Variants in FSIP1 observed in about 807,000 individuals in gnomAD.
FSIP1 encodes fibrous sheath interacting protein 1, also known as fibrous sheath-interacting protein 1.
In FSIP1, 65 loss-of-function variants were observed where a neutral mutation model predicts 60.9. That is an observed-to-expected ratio of 1.07 (90% CI 0.87 to 1.31). The LOEUF is 1.31. Ranked by LOEUF, FSIP1 falls within the 40% of genes most tolerant of loss-of-function variation. The pLI is 0.00. For synonymous variants in FSIP1, 209 were observed against 221.2 expected (o/e 0.94, Z 0.49); for missense variants, 675 against 665.5 (o/e 1.01, Z -0.16).
At chr15:39,692,539 C>CCATCA (rs1241359578) in intron 10 of FSIP1, among the ~76,000 whole-genome samples, 3 of 152,000 alleles carry the variant, frequency 2.0e-5, no homozygotes, top group Non-Finnish European at 4.4e-5. Flanking sequence ...CAGTTTAATC[C>CCATCA]CATCACATAA....
At chr15:39,663,257 A>G (rs1005285003) in intron 10 of FSIP1, among the ~76,000 whole-genome samples, 3 of 152,198 alleles carry the variant, frequency 2.0e-5, no homozygotes, top group African/African-American at 4.8e-5. Context: ...ACTTGTGTAT[A>G]TGTTTTCAAC....
intron 9 of FSIP1, among the ~76,000 whole-genome samples, chr15:39,721,368 C>T (rs1387139216): frequency 6.6e-6 from 1 of 152,226 alleles, no homozygotes; most frequent in Non-Finnish European, 1.5e-5. Flanking sequence ...TTTAAAATAT[C>T]ATGCCTTCAT....
chr15:39,669,552 A>C (rs924529285), intron 10 of FSIP1, among the ~76,000 whole-genome samples: 12 of 152,218 alleles, frequency 7.9e-5, no homozygotes, highest in Non-Finnish European at 1.6e-4. Flanking sequence ...TAATTAACAG[A>C]AAGATATCTT....
chr15:39,680,588 C>T (rs1894121726), intron 10 of FSIP1, among the ~76,000 whole-genome samples: 1 of 152,088 alleles, frequency 6.6e-6, no homozygotes, highest in South Asian at 2.1e-4. Context: ...CATCTTAGGC[C>T]ATGAAATAGT....
At chr15:39,772,243 G>T (rs547513552) in intron 2 of FSIP1, among the ~76,000 whole-genome samples, 1 of 152,176 alleles carries the variant, frequency 6.6e-6, no homozygotes, top group East Asian at 1.9e-4. Context: ...TGGCCTATAT[G>T]CATGATTTTT....
chr15:39,640,783 T>G (rs964824965), intron 10 of FSIP1, among the ~76,000 whole-genome samples: 5 of 151,644 alleles, frequency 3.3e-5, no homozygotes, highest in Non-Finnish European at 5.9e-5. Flanking sequence ...AGTACAGAAC[T>G]GCCGGTTGGT....
At chr15:39,641,271 C>A (rs980030594) in intron 10 of FSIP1, among the ~76,000 whole-genome samples, 2 of 151,952 alleles carry the variant, frequency 1.3e-5, no homozygotes, top group Non-Finnish European at 2.9e-5. Context: ...GAGAGGAAAG[C>A]AAAAATTGTT....
At chr15:39,713,620 G>A (rs934841538) in intron 9 of FSIP1, 39 bp from the exon 10 acceptor site, 1 of 1,566,344 alleles carries the variant, frequency 6.4e-7, no homozygotes, top group South Asian at 1.2e-5. Context: ...TTCACAGGCT[G>A]GAAATGTGCT....
intron 10 of FSIP1, among the ~76,000 whole-genome samples, chr15:39,698,659 G>A (rs1029541087): frequency 1.3e-5 from 2 of 152,176 alleles, no homozygotes; most frequent in Non-Finnish European, 2.9e-5. Context: ...CTTGAGCAGT[G>A]GAGTGGCGTT....
In FSIP1 at chr15:39,726,736, A is replaced by T; in HGVS notation, c.903T>A (p.Ser301=). The change falls in exon 9 of 12, where the codon TCT becomes TCA. Residue 301 remains serine (S), a synonymous_variant. Coordinates refer to ENST00000350221, the MANE Select transcript of FSIP1 (RefSeq NM_152597.5). ...ATCCTTTTACTGGGACCACCCAGCC[A>T]GACTGATCACCCTAAGAGGAAACAA... ...SGLSSSEGDQ[S]GWVVPVKGYE... The T allele has an allele frequency of 6.2e-7, 1 of 1,614,074 alleles. No individual in the cohort carries two copies.
rs571530866 is a variant in FSIP1, at chr15:39,650,661, C to T, written c.1189-32416G>A. Among the ~76,000 whole-genome samples, 4 of 152,320 alleles carry T rather than the reference C, an allele frequency of 2.6e-5. No homozygotes were observed. The South Asian group carries it at 8.3e-4, about 32-fold the overall frequency. ...ATGTAGACCACCTCCCTGGCCTCAG[C>T]GTCCTCATCTGAACAAGAAGGGAAC... On this transcript the variant is annotated intron_variant, in intron 10 of 11. Coordinates refer to ENST00000350221, the MANE Select transcript of FSIP1 (RefSeq NM_152597.5).
intron 10 of FSIP1, among the ~76,000 whole-genome samples, chr15:39,653,201 C>T (rs548791249): frequency 0.012 from 1,693 of 139,872 alleles, 42 homozygotes; most frequent in African/African-American, 0.041. Flanking sequence ...AACCCAAAAA[C>T]GAAAAATGGT....
chr15:39,695,260 T>C lies in FSIP1; in HGVS notation c.1188+18184A>G, dbSNP rs376881456. ...CTTTGGTGTTTAATTGCCTTTGGTG[T>C]TCTCTGTCAGCCTCCCCTCCATGGC... On this transcript the variant is annotated intron_variant, in intron 10 of 11. Coordinates refer to ENST00000350221, the MANE Select transcript of FSIP1 (RefSeq NM_152597.5). 3.5e-3 allele frequency among the ~76,000 whole-genome samples: 533 copies of C among 151,998 alleles called. 3 individuals are homozygous for C. Among genetic ancestry groups the C allele is most frequent in the African/African-American group, 0.012 (509 of 41,452 alleles).
chr15:39,621,085 C>T, intron 10 of FSIP1, among the ~76,000 whole-genome samples: 2 of 145,198 alleles, frequency 1.4e-5, no homozygotes, highest in East Asian at 2.0e-4. Context: ...TACAAAATTA[C>T]AAATTCAAAA....
chr15:39,670,660 C>A, intron 10 of FSIP1, among the ~76,000 whole-genome samples: 1 of 152,154 alleles, frequency 6.6e-6, no homozygotes. Flanking sequence ...AAACAGCTGC[C>A]AGGTTTTGGT....
chr15:39,772,390 T>G (rs1438531133), intron 2 of FSIP1, among the ~76,000 whole-genome samples: 1 of 151,814 alleles, frequency 6.6e-6, no homozygotes, highest in Non-Finnish European at 1.5e-5. Flanking sequence ...CCTCCTGGGC[T>G]CAAGCGATCC....
At chr15:39,628,246 C>T (rs1447241531) in intron 10 of FSIP1, among the ~76,000 whole-genome samples, 1 of 152,150 alleles carries the variant, frequency 6.6e-6, no homozygotes, top group Non-Finnish European at 1.5e-5. Flanking sequence ...AGAGGCAGCA[C>T]CACTAGAGGG....
intron 2 of FSIP1, among the ~76,000 whole-genome samples, chr15:39,771,002 T>C (rs1391578191): frequency 1.3e-5 from 2 of 152,256 alleles, no homozygotes; most frequent in Non-Finnish European, 2.9e-5. Flanking sequence ...GTGGATAGTC[T>C]GAGTTGAGAT....
At chr15:39,638,621 T>C (rs1366277618) in intron 10 of FSIP1, among the ~76,000 whole-genome samples, 2 of 152,236 alleles carry the variant, frequency 1.3e-5, no homozygotes, top group Non-Finnish European at 2.9e-5. Flanking sequence ...TTTGGATATA[T>C]GCATCCATTT....
Sources: gnomAD v4.1 joint callset for allele counts (sites outside exome capture counted in the v4.1 genomes callset) on GRCh38, gnomAD v4.1.1 for gene constraint, MANE v1.5 for transcripts, NCBI Gene and HGNC (gene_info 2026-07-23, HGNC 2026-07-21) for gene names.